Variants in USP6 observed in about 807,000 individuals in gnomAD.
USP6 encodes the protein ubiquitin carboxyl-terminal hydrolase 6.
Under a neutral mutation model 175.7 loss-of-function variants are expected in USP6, and 128 were observed. That is an observed-to-expected ratio of 0.73 (90% CI 0.63 to 0.84). The LOEUF (loss-of-function observed/expected upper bound fraction) is 0.84, where lower values mean the gene tolerates loss of function less well. Ranked by LOEUF, USP6 falls within the 40% of genes least tolerant of loss-of-function variation. The pLI, the probability that USP6 is intolerant of heterozygous loss-of-function variation, is 0.00. For synonymous variants in USP6, 562 were observed against 630.6 expected (o/e 0.89, Z 1.63); for missense variants, 1,498 against 1,760.3 (o/e 0.85, Z 2.67).
At position 5,137,159 on chromosome 17, in the gene USP6, C is replaced by T. The variant is rs1415354271; in HGVS notation, c.798C>T (p.Gly266=). ...TATGCGGGCAGTGTGCCTCGTTAGG[C>T]TGCCTTCTCCGGAACCTGATTGACG... ...EGLCGQCASL[G]CLLRNLIDGI... is the part of the protein sequence containing the mutation. The change falls in exon 19 of 38, where the codon GGC becomes GGT. Residue 266 remains glycine (G), a synonymous_variant. Coordinates refer to ENST00000574788, the MANE Select transcript of USP6 (RefSeq NM_001304284.2). 3 of 1,613,288 alleles carry T rather than the reference C, an allele frequency of 1.9e-6. No individual in the cohort carries two copies. The highest frequency in any genetic ancestry group is 1.7e-5 in the Admixed American group (1 of 59,980).
chr17:5,122,338 A>G (rs1287899404), intron 4 of USP6, among the ~76,000 whole-genome samples: 2 of 152,136 alleles, frequency 1.3e-5, no homozygotes, highest in Non-Finnish European at 2.9e-5. Context: ...TGGTGACACC[A>G]TCAGCCACAG....
chr17:5,160,233 T>C (rs1026733881), intron 31 of USP6, among the ~76,000 whole-genome samples: 1 of 152,196 alleles, frequency 6.6e-6, no homozygotes, highest in Non-Finnish European at 1.5e-5. Flanking sequence ...ATGGGAACTC[T>C]TATGCCAGAT....
chr17:5,128,538 C>T (rs149540322), intron 7 of USP6: 1,882 of 152,468 alleles, frequency 0.012, 20 homozygotes, highest in Non-Finnish European at 0.017. Flanking sequence ...GTCCTGGGCT[C>T]CGGGGGTGAC....
chr17:5,133,422 C>A, intron 13 of USP6, 21 bp from the exon 14 acceptor site: 1 of 1,600,542 alleles, frequency 6.2e-7, no homozygotes, highest in East Asian at 2.2e-5. Context: ...CCTGTGACAC[C>A]AGATTCTTTT....
intron 11 of USP6, 22 bp downstream of exon 11, chr17:5,130,706 C>T (rs752265283): frequency 1.2e-6 from 2 of 1,612,758 alleles, no homozygotes; most frequent in African/African-American, 2.7e-5. Flanking sequence ...TCTATGCTCC[C>T]CTCACCCCTA....
intron 30 of USP6, among the ~76,000 whole-genome samples, chr17:5,152,014 C>T (rs958237608): frequency 2.0e-5 from 3 of 152,076 alleles, no homozygotes; most frequent in African/African-American, 7.2e-5. Flanking sequence ...CGAGATGAGA[C>T]GGACGGGTCA....
chr17:5,170,713 G>T lies in USP6; in HGVS notation c.3752G>T (p.Gly1251Val), dbSNP rs1319219796. 5 of 1,613,944 alleles carry T rather than the reference G, an allele frequency of 3.1e-6. No individual in the cohort carries two copies. In the East Asian group the frequency reaches 1.1e-4, roughly 36 times the overall value. Residue 1251 changes from glycine to valine, a missense_variant, in exon 36 of 38, where the codon GGC (glycine) becomes GTC (valine). Gly to Val is a moderately radical substitution (Grantham distance 109). Transcript: ENST00000574788. ...TTGAGCCGAGGGCATATGCGGGGGG[G>T]CAGCCAACCAGAGCTGGTCACTCCT... ...DALSRGHMRGGSQPELVTPQD... is the reference protein window; with the variant it reads ...DALSRGHMRGVSQPELVTPQD...
At chr17:5,150,295 A>AAAAT (rs201171351) in intron 30 of USP6, among the ~76,000 whole-genome samples, 24,947 of 138,682 alleles carry the variant, frequency 0.18, 2,431 homozygotes, top group African/African-American at 0.23. Flanking sequence ...TCCGTCTAAA[A>AAAAT]AAATAAATAA....
intron 29 of USP6, among the ~76,000 whole-genome samples, chr17:5,147,832 G>A (rs1253205526): frequency 1.3e-5 from 2 of 152,136 alleles, no homozygotes; most frequent in African/African-American, 2.4e-5. Context: ...TTAAGAGCTC[G>A]AGATGTGGCT....
intron 11 of USP6, among the ~76,000 whole-genome samples, chr17:5,131,541 C>T (rs1256763978): frequency 1.3e-5 from 2 of 150,380 alleles, no homozygotes; most frequent in Non-Finnish European, 3.0e-5. Context: ...TCCCCCATGT[C>T]CTTATATCTA....
At chr17:5,152,229 G>T (rs1291155751) in intron 30 of USP6, among the ~76,000 whole-genome samples, 1 of 146,246 alleles carries the variant, frequency 6.8e-6, no homozygotes, top group African/African-American at 2.6e-5. Flanking sequence ...GCAACAGAGC[G>T]AGACTCCGTC....
chr17:5,165,218 T>C (rs1233081515), intron 33 of USP6, among the ~76,000 whole-genome samples: 1 of 152,228 alleles, frequency 6.6e-6, no homozygotes, highest in East Asian at 1.9e-4. Flanking sequence ...GTATTAAGAA[T>C]ATAACAGGAT....
intron 21 of USP6, among the ~76,000 whole-genome samples, 158 bp downstream of exon 21, chr17:5,138,431 G>A (rs912494561): frequency 3.9e-5 from 6 of 152,092 alleles, no homozygotes; most frequent in African/African-American, 1.4e-4. Flanking sequence ...AGGCCCACCG[G>A]TCCTCAGGGC....
chr17:5,127,931 C>G (rs1047945974), intron 7 of USP6, among the ~76,000 whole-genome samples: 4 of 152,230 alleles, frequency 2.6e-5, no homozygotes, highest in East Asian at 1.9e-4. Context: ...TGAATATTTT[C>G]CATCTGCTGT....
intron 3 of USP6, among the ~76,000 whole-genome samples, chr17:5,121,173 C>T (rs977128154): frequency 7.9e-5 from 12 of 152,148 alleles, no homozygotes; most frequent in African/African-American, 2.7e-4. Context: ...TGCCGCAGTT[C>T]GGTAGGGGTA....
intron 30 of USP6, 106 bp downstream of exon 30, chr17:5,148,873 T>G: frequency 6.7e-7 from 1 of 1,481,682 alleles, no homozygotes; most frequent in Non-Finnish European, 8.9e-7. Flanking sequence ...TTCTCTTTTT[T>G]CTTTAATTTT....
At chr17:5,167,808 G>GT (rs1598099901) in intron 33 of USP6, 124 bp from the exon 34 acceptor site, 1 of 1,200,178 alleles carries the variant, frequency 8.3e-7, no homozygotes, top group East Asian at 2.5e-5. Context: ...CCAGCCAGTT[G>GT]TATTTTCTTT....
intron 30 of USP6, among the ~76,000 whole-genome samples, chr17:5,149,210 C>G (rs543891949): frequency 1.3e-5 from 2 of 152,084 alleles, no homozygotes; most frequent in African/African-American, 4.8e-5. Flanking sequence ...CGAGAACAGC[C>G]TGGCCAACAT....
At chr17:5,143,498 G>A (rs1032721528) in intron 25 of USP6, among the ~76,000 whole-genome samples, 1 of 151,444 alleles carries the variant, frequency 6.6e-6, no homozygotes, top group Non-Finnish European at 1.5e-5. Flanking sequence ...GTCCACTCAG[G>A]GTTAAATGGA....
Sources: gnomAD v4.1 joint callset for allele counts (sites outside exome capture counted in the v4.1 genomes callset) on GRCh38, gnomAD v4.1.1 for gene constraint, MANE v1.5 for transcripts, NCBI Gene and HGNC (gene_info 2026-07-23, HGNC 2026-07-21) for gene names.